NFU1: variants seen among roughly 807,000 people sequenced by gnomAD.
NFU1 encodes the protein NFU1 iron-sulfur cluster scaffold.
In NFU1, 30 loss-of-function variants were observed where a neutral mutation model predicts 32.2. The ratio of observed to expected loss-of-function variants is 0.93; its 90% CI spans 0.70 to 1.26. The LOEUF (loss-of-function observed/expected upper bound fraction) is 1.26. Among genes scored for constraint, NFU1 ranks in the 50% most tolerant of loss-of-function variants. The pLI is 0.00. For missense variants in NFU1, 306 were observed against 306.6 expected (o/e 1.00, Z 0.02); for synonymous variants, 112 against 104.6 (o/e 1.07, Z -0.43).
At chr2:69,428,323 G>A (rs1161634005) in intron 2 of NFU1, among the ~76,000 whole-genome samples, 1 of 151,984 alleles carries the variant, frequency 6.6e-6, no homozygotes, top group Non-Finnish European at 1.5e-5. Flanking sequence ...TACCTAGAAG[G>A]CTGATGCAGG....
chr2:69,437,559 G>A (rs1438543555), upstream of NFU1: 2 of 1,053,076 alleles, frequency 1.9e-6, no homozygotes, highest in Admixed American at 2.0e-5. Flanking sequence ...GGATAAGTGC[G>A]GTGGCCTACG....
intron 7 of NFU1, among the ~76,000 whole-genome samples, chr2:69,399,615 C>CA (rs555943713): frequency 0.056 from 2,925 of 52,266 alleles, 50 homozygotes; most frequent in Middle Eastern, 0.1. Context: ...CCCGTCTCTA[C>CA]AAAAAAAAAA....
rs764895827 is a variant in NFU1, at chr2:69,415,180, G to A, written c.484+5C>T. ...AAATTTTAATTACTCAATACAACATGTTACCTGCTTCTCCTGAAGGTGTTT... is the reference window on the plus strand; with the variant it reads ...AAATTTTAATTACTCAATACAACATATTACCTGCTTCTCCTGAAGGTGTTT... On this transcript the variant is annotated splice_donor_5th_base_variant and intron_variant, in intron 5 of 7. Transcript: ENST00000410022. 2.6e-6 allele frequency: 4 copies of A among 1,523,718 alleles called. No individual in the cohort carries two copies. The highest frequency in any genetic ancestry group is 1.7e-5 in the Admixed American group (1 of 59,884). The allele number at this position is 1,523,718 out of a possible 1,614,324, so 94.4% of individuals were successfully genotyped here. A position where few individuals can be genotyped will look rare whatever the true frequency, so the allele number is the denominator to read the frequency against.
At chr2:69,419,213 GC>G (rs1673158132) in intron 4 of NFU1, among the ~76,000 whole-genome samples, 1 of 73,614 alleles carries the variant, frequency 1.4e-5, no homozygotes, top group Non-Finnish European at 2.6e-5. Flanking sequence ...ACTCAGGGTG[GC>G]GGGGGGGGGC....
rs545404981 is a variant in NFU1 at position 69,426,014 on chromosome 2, C to A, written c.167-2297G>T. 5.3e-5 allele frequency among the ~76,000 whole-genome samples: 8 copies of A among 152,240 alleles called. No individual in the cohort carries two copies. In the East Asian group the frequency reaches 1.4e-3, roughly 26 times the overall value. On this transcript the variant is annotated intron_variant, in intron 2 of 7. Coordinates refer to ENST00000410022, the MANE Select transcript of NFU1 (RefSeq NM_001002755.4). ...TTCAAGACAAGGACTCACACTGTAC[C>A]CAAGCTAGAGTGCAGTGGCACAATC...
At chr2:69,439,436 G>A (rs575377142), upstream of NFU1, among the ~76,000 whole-genome samples, 8 of 152,326 alleles carry the variant, frequency 5.3e-5, no homozygotes, top group Admixed American at 2.6e-4. Context: ...GAGTGAAGCT[G>A]CAGACCTTTG....
intron 5 of NFU1, chr2:69,410,973 A>G (rs1672859953): frequency 1.3e-5 from 2 of 152,112 alleles, no homozygotes; most frequent in Non-Finnish European, 2.9e-5. Context: ...TTTCTTCCAG[A>G]TATTATCATA....
chr2:69,437,360 C>T lies in NFU1; in HGVS notation c.62+1G>A. On this transcript the variant is annotated splice_donor_variant, in intron 1 of 7. Coordinates refer to ENST00000410022, the MANE Select transcript of NFU1 (RefSeq NM_001002755.4). LOFTEE classifies it high-confidence loss of function. Reference sequence around the variant, plus strand: ...TTCGGAGCTCCAGGCTCGTCACCTACCGCCTGCGCAGCCCGGCGGCAACAG... The same window carrying T: ...TTCGGAGCTCCAGGCTCGTCACCTATCGCCTGCGCAGCCCGGCGGCAACAG... 1 of 1,607,232 alleles carries T rather than the reference C, an allele frequency of 6.2e-7. No individual in the cohort carries two copies. Among genetic ancestry groups the T allele is most frequent in the Non-Finnish European group, 8.5e-7 (1 of 1,178,452 alleles).
At chr2:69,400,727 T>C (rs1490318894) in intron 6 of NFU1, among the ~76,000 whole-genome samples, 189 bp from the exon 7 acceptor site, 1 of 151,804 alleles carries the variant, frequency 6.6e-6, no homozygotes, top group Non-Finnish European at 1.5e-5. Flanking sequence ...TACTCTCAGG[T>C]AAAATACCAA....
upstream of NFU1, among the ~76,000 whole-genome samples, chr2:69,438,892 C>G (rs1294381551): frequency 8.5e-6 from 1 of 117,352 alleles, no homozygotes; most frequent in Non-Finnish European, 1.7e-5. Flanking sequence ...CTTCCCCCAT[C>G]CAACCCCCCA....
At chr2:69,439,495 C>T (rs1673991515), upstream of NFU1, among the ~76,000 whole-genome samples, 1 of 152,174 alleles carries the variant, frequency 6.6e-6, no homozygotes, top group South Asian at 2.1e-4. Flanking sequence ...AAGAGTGAGC[C>T]ACATCAAGAT....
intron 2 of NFU1, among the ~76,000 whole-genome samples, chr2:69,430,452 G>A (rs1673602716): frequency 6.6e-6 from 1 of 151,934 alleles, no homozygotes; most frequent in Non-Finnish European, 1.5e-5. Context: ...TGGGCTCAAG[G>A]GATCTGCCCG....
intron 2 of NFU1, among the ~76,000 whole-genome samples, chr2:69,430,217 CTT>C (rs113587680): frequency 0.013 from 1,860 of 145,152 alleles, 32 homozygotes; most frequent in African/African-American, 0.034. Context: ...ATATTTCTTC[CTT>C]TTTTTTTTTT....
At chr2:69,418,404 A>C (rs1233719249) in intron 4 of NFU1, among the ~76,000 whole-genome samples, 1 of 152,114 alleles carries the variant, frequency 6.6e-6, no homozygotes, top group African/African-American at 2.4e-5. Flanking sequence ...GTCTCTAAAT[A>C]AATAGCCGCA....
Position 69,404,615 on chromosome 2 carries a change from A to ATTTTTTTTTT in NFU1, c.545+1397_545+1406dup, listed in dbSNP as rs534309730. On this transcript the variant is annotated intron_variant, in intron 6 of 7. Coordinates refer to ENST00000410022, the MANE Select transcript of NFU1 (RefSeq NM_001002755.4). ...CACTTAATAACTACTATCTTAGCAA[A>ATTTTTTTTTT]TTTTTTTTTTTTTTTTTTTTTTTGA... is the stretch of plus-strand genomic sequence containing the variant. 8.1e-3 allele frequency among the ~76,000 whole-genome samples: 591 copies of ATTTTTTTTTT among 72,834 alleles called. 111 individuals are homozygous for ATTTTTTTTTT. Among genetic ancestry groups the ATTTTTTTTTT allele is most frequent in the African/African-American group, 0.029 (464 of 15,876 alleles). The allele number at this position is 72,834 out of a possible 152,430, so 47.8% of individuals were successfully genotyped here.
In NFU1 at chr2:69,399,876, A is replaced by ATT. The variant is rs71397328; in HGVS notation, c.720+486_720+487dup. Among the ~76,000 whole-genome samples the ATT allele has an allele frequency of 4.8e-5, 7 of 145,768 alleles. No individual in the cohort carries two copies. The South Asian group carries it at 8.7e-4, about 18-fold the overall frequency. On this transcript the variant is annotated intron_variant, in intron 7 of 7. Coordinates refer to ENST00000410022, the MANE Select transcript of NFU1 (RefSeq NM_001002755.4). Reference sequence around the variant, plus strand: ...GTTCTCATAACACTAAAGTTACTTCATTTTTTTTTTTTTTTGACGGAGTTT... The same window carrying ATT: ...GTTCTCATAACACTAAAGTTACTTCATTTTTTTTTTTTTTTTTGACGGAGTTT...
chr2:69,411,056 A>G (rs1346730051), intron 5 of NFU1: 1 of 152,114 alleles, frequency 6.6e-6, no homozygotes, highest in Non-Finnish European at 1.5e-5. Context: ...GGGGGCAAAA[A>G]GACCACAGGG....
intron 1 of NFU1, among the ~76,000 whole-genome samples, chr2:69,433,678 G>A (rs897146556): frequency 6.6e-6 from 1 of 152,082 alleles, no homozygotes; most frequent in Non-Finnish European, 1.5e-5. Context: ...GTTTCACCAC[G>A]TTGGCCAGGC....
At chr2:69,396,364 T>A in intron 7 of NFU1, 74 bp from the exon 8 acceptor site, 1 of 1,068,020 alleles carries the variant, frequency 9.4e-7, no homozygotes, top group Non-Finnish European at 1.4e-6. Context: ...GATTTTAATA[T>A]TACTTCTTTA....
Sources: allele counts gnomAD v4.1 joint callset (sites outside exome capture counted in the v4.1 genomes callset), GRCh38; gene constraint gnomAD v4.1.1; transcripts MANE v1.5; gene names NCBI Gene and HGNC (gene_info 2026-07-23, HGNC 2026-07-21).